CSRNP3: variants seen among roughly 807,000 people sequenced by gnomAD.
The protein encoded by CSRNP3 is cysteine and serine rich nuclear protein 3, also known as cysteine/serine-rich nuclear protein 3.
A neutral mutation model predicts 48.0 loss-of-function variants in CSRNP3; 12 were observed. The observed-to-expected ratio is 0.25, with a 90% confidence interval of 0.16 to 0.41. The LOEUF (loss-of-function observed/expected upper bound fraction) is 0.41. CSRNP3 is among the 10% of genes least tolerant of loss of function. CSRNP3 has a pLI of 1.00. For missense variants in CSRNP3, 580 were observed against 724.4 expected (o/e 0.80, Z 2.29); for synonymous variants, 263 against 269.7 (o/e 0.98, Z 0.24).
intron 4 of CSRNP3, among the ~76,000 whole-genome samples, chr2:165,638,069 A>C (rs1686661392): frequency 6.6e-6 from 1 of 152,224 alleles, no homozygotes; most frequent in Non-Finnish European, 1.5e-5. Flanking sequence ...TACAAAAGAC[A>C]GTCATTTTAC....
intron 1 of CSRNP3, among the ~76,000 whole-genome samples, chr2:165,480,125 C>G (rs1367237035): frequency 6.6e-6 from 1 of 152,168 alleles, no homozygotes; most frequent in Non-Finnish European, 1.5e-5. Context: ...AAGCTGCACA[C>G]ATGTGCTGTC....
At chr2:165,655,158 T>G (rs1686981943) in intron 4 of CSRNP3, among the ~76,000 whole-genome samples, 1 of 152,194 alleles carries the variant, frequency 6.6e-6, no homozygotes, top group Non-Finnish European at 1.5e-5. Flanking sequence ...TTTTCATTGC[T>G]TACACAGCCT....
chr2:165,607,956 C>T (rs1573914866), intron 4 of CSRNP3, among the ~76,000 whole-genome samples: 2 of 151,362 alleles, frequency 1.3e-5, no homozygotes, highest in South Asian at 4.2e-4. Flanking sequence ...ATCCCTCTTC[C>T]CTCCAAATAT....
At chr2:165,542,443 CAT>C (rs1410049391) in intron 3 of CSRNP3, among the ~76,000 whole-genome samples, 3 of 152,054 alleles carry the variant, frequency 2.0e-5, no homozygotes, top group Non-Finnish European at 2.9e-5. Flanking sequence ...TGTACATAAA[CAT>C]ATAATAAACA....
In CSRNP3 at chr2:165,689,115, A is replaced by G. The variant is rs1687676457; in HGVS notation, c.*9362A>G. On this transcript the variant is annotated 3_prime_UTR_variant, in exon 7 of 7. Coordinates refer to ENST00000651982, the MANE Select transcript of CSRNP3 (RefSeq NM_001172173.2). Reference sequence around the variant, plus strand: ...CAAAGGGTATATAAAATAAGCTACAATAATATTCAACAGAACTTAACCTGG... The same window carrying G: ...CAAAGGGTATATAAAATAAGCTACAGTAATATTCAACAGAACTTAACCTGG... The G allele has an allele frequency of 6.6e-6, 1 of 152,176 alleles. No homozygotes were observed. Among genetic ancestry groups the G allele is most frequent in the Non-Finnish European group, 1.5e-5 (1 of 68,012 alleles). The allele number at this position is 152,176 out of a possible 1,614,324, so 9.4% of individuals were successfully genotyped here.
intron 2 of CSRNP3, among the ~76,000 whole-genome samples, chr2:165,511,831 A>G (rs1684510211): frequency 6.6e-6 from 1 of 152,166 alleles, no homozygotes; most frequent in Admixed American, 6.5e-5. Flanking sequence ...TCTTGTTTTC[A>G]TGTATCCTAC....
chr2:165,586,200 A>C (rs868657923), intron 3 of CSRNP3, among the ~76,000 whole-genome samples: 1 of 152,122 alleles, frequency 6.6e-6, no homozygotes, highest in Non-Finnish European at 1.5e-5. Flanking sequence ...ATCACTCAGC[A>C]CTCAAACTTT....
chr2:165,596,135 ATTTTTTT>A (rs11317294), intron 4 of CSRNP3, among the ~76,000 whole-genome samples: 59 of 120,480 alleles, frequency 4.9e-4, no homozygotes, highest in East Asian at 3.3e-3. Flanking sequence ...TTTCTTTTTG[ATTTTTTT>A]TTTTTTTTTT....
At chr2:165,501,129 A>C (rs1052661923) in intron 2 of CSRNP3, among the ~76,000 whole-genome samples, 1 of 152,154 alleles carries the variant, frequency 6.6e-6, no homozygotes, top group African/African-American at 2.4e-5. Flanking sequence ...TAGGCTTCCC[A>C]TTATAGTGGT....
chr2:165,661,240 C>T (rs578146635), intron 5 of CSRNP3, among the ~76,000 whole-genome samples: 1 of 152,052 alleles, frequency 6.6e-6, no homozygotes, highest in African/African-American at 2.4e-5. Flanking sequence ...TATAGATGCC[C>T]CTCAATTTGC....
At position 165,477,886 on chromosome 2, in the gene CSRNP3, A is replaced by G. The variant is rs146462641; in HGVS notation, c.-283+8146A>G. ...CAGCTACCTGGGAGGCCAAGGCAGG[A>G]GAATTGCTTGAACTTGCAAGGTGGA... On this transcript the variant is annotated intron_variant, in intron 1 of 6. Coordinates refer to ENST00000651982, the MANE Select transcript of CSRNP3 (RefSeq NM_001172173.2). Among the ~76,000 whole-genome samples, 3 of 151,916 alleles carry G rather than the reference A, an allele frequency of 2.0e-5. No individual in the cohort carries two copies. In the East Asian group the frequency reaches 5.9e-4, roughly 30 times the overall value.
At chr2:165,572,773 G>A (rs1184505530) in intron 3 of CSRNP3, among the ~76,000 whole-genome samples, 1 of 152,128 alleles carries the variant, frequency 6.6e-6, no homozygotes, top group Non-Finnish European at 1.5e-5. Context: ...ACAGAGAAAT[G>A]TTGATATCAT....
chr2:165,544,327 G>T lies in CSRNP3; in HGVS notation c.-24+26366G>T, dbSNP rs535401819. On this transcript the variant is annotated intron_variant, in intron 3 of 6. Coordinates refer to ENST00000651982, the MANE Select transcript of CSRNP3 (RefSeq NM_001172173.2). The stretch of plus-strand genomic sequence containing the variant: ...CAGCACAGCAATGAGGCCATAGACA[G>T]CTAGAAATGGTGATTAAGGAGAGTG... Among the ~76,000 whole-genome samples the T allele has an allele frequency of 3.6e-3, 548 of 152,222 alleles. 3 individuals are homozygous for T. The highest frequency in any genetic ancestry group is 6.1e-3 in the Non-Finnish European group (412 of 68,008).
In CSRNP3 at chr2:165,679,461, G is replaced by A. The variant is rs1223426446; in HGVS notation, c.1466G>A (p.Gly489Asp). Residue 489 changes from glycine to aspartate, a missense_variant, in exon 7 of 7, where the codon GGT (glycine) becomes GAT (aspartate). Coordinates refer to ENST00000651982, the MANE Select transcript of CSRNP3 (RefSeq NM_001172173.2). The part of the protein sequence containing the change: ...DYARQAEEAY[G>D]ASHYPAANPS... ...GCCCGACAAGCAGAAGAGGCCTATG[G>A]TGCCTCCCACTACCCAGCTGCCAAC... The A allele has an allele frequency of 6.2e-7, 1 of 1,613,298 alleles. No homozygotes were observed. Among genetic ancestry groups the A allele is most frequent in the Admixed American group, 1.7e-5 (1 of 59,912 alleles).
At chr2:165,553,333 A>G (rs1446230582) in intron 3 of CSRNP3, among the ~76,000 whole-genome samples, 1 of 152,060 alleles carries the variant, frequency 6.6e-6, no homozygotes, top group Admixed American at 6.6e-5. Flanking sequence ...CATTGTAATC[A>G]CTTCCTTAAG....
At chr2:165,584,013 A>G (rs1029413399) in intron 3 of CSRNP3, among the ~76,000 whole-genome samples, 1 of 152,202 alleles carries the variant, frequency 6.6e-6, no homozygotes, top group African/African-American at 2.4e-5. Flanking sequence ...CCTTAGGTAC[A>G]ATGCTTGTAT....
intron 4 of CSRNP3, among the ~76,000 whole-genome samples, chr2:165,648,896 A>G (rs1482852596): frequency 6.6e-6 from 1 of 152,200 alleles, no homozygotes; most frequent in Non-Finnish European, 1.5e-5. Context: ...GAGAATTTTC[A>G]GTAGATGAGT....
At chr2:165,599,082 A>C (rs2105298658) in intron 4 of CSRNP3, among the ~76,000 whole-genome samples, 1 of 151,792 alleles carries the variant, frequency 6.6e-6, no homozygotes, top group South Asian at 2.1e-4. Flanking sequence ...AAAAATTAAA[A>C]AGAAAAATAG....
In CSRNP3 at chr2:165,676,363, G is replaced by A. The variant is rs147681972; in HGVS notation, c.460G>A (p.Asp154Asn). 7.4e-6 allele frequency: 12 copies of A among 1,613,930 alleles called. No homozygotes were observed. The highest frequency in any genetic ancestry group is 1.3e-5 in the African/African-American group (1 of 74,914). Residue 154 changes from aspartate to asparagine, a missense_variant, in exon 6 of 7, where the codon GAT becomes AAT. Asp to Asn is a conservative substitution (Grantham distance 23). Coordinates refer to ENST00000651982, the MANE Select transcript of CSRNP3 (RefSeq NM_001172173.2). Reference sequence around the variant, plus strand: ...AGAAGAAGCCAGCACTCTTACACTGGATGACATTTCTGATGATGACATTGA... The same window carrying A: ...AGAAGAAGCCAGCACTCTTACACTGAATGACATTTCTGATGATGACATTGA... Reference protein sequence around the residue: ...ESEEASTLTLDDISDDDIDLD... With the variant: ...ESEEASTLTLNDISDDDIDLD...
Sources: allele counts gnomAD v4.1 joint callset (sites outside exome capture counted in the v4.1 genomes callset), GRCh38; gene constraint gnomAD v4.1.1; transcripts MANE v1.5; gene names NCBI Gene and HGNC (gene_info 2026-07-23, HGNC 2026-07-21).